MTUS2: variants seen among roughly 807,000 people sequenced by gnomAD.
MTUS2 encodes the protein microtubule associated scaffold protein 2, also known as microtubule-associated tumor suppressor candidate 2.
Under a neutral mutation model 114.1 loss-of-function variants are expected in MTUS2, and 40 were observed. The observed-to-expected ratio is 0.35, with a 90% CI of 0.27 to 0.46. The LOEUF (loss-of-function observed/expected upper bound fraction) is 0.46. Among genes scored for constraint, MTUS2 ranks in the 20% least tolerant of loss-of-function variants. The probability of loss-of-function intolerance (pLI) is 1.00; values close to 1 mark genes in which losing one functional copy is unlikely to be tolerated. For missense variants in MTUS2, 1,679 were observed against 1,705.4 expected (o/e 0.98, Z 0.27); for synonymous variants, 688 against 672.0 (o/e 1.02, Z -0.37).
intron 4 of MTUS2, among the ~76,000 whole-genome samples, chr13:29,095,879 CCTTTA>C (rs1004163876): frequency 1.3e-5 from 2 of 151,910 alleles, no homozygotes; most frequent in African/African-American, 4.8e-5. Context: ...CGTCATAGCT[CCTTTA>C]CTTCTTTAAG....
At position 28,921,530 on chromosome 13, in the gene MTUS2, G is replaced by A. The variant is rs543400684; in HGVS notation, c.-243+81680G>A. On this transcript the variant is annotated intron_variant, in intron 2 of 15. Transcript: ENST00000612955. ...GTGCAAGCACTTCCTTAGCCACTCT[G>A]TCTAGTGTCTCTTAGGTCATGTGCC... Among the ~76,000 whole-genome samples the A allele has an allele frequency of 3.3e-5, 5 of 152,278 alleles. No individual in the cohort carries two copies. The East Asian group carries it at 9.7e-4, about 29-fold the overall frequency.
chr13:29,324,988 C>T (rs1835829246), intron 7 of MTUS2, among the ~76,000 whole-genome samples: 1 of 152,122 alleles, frequency 6.6e-6, no homozygotes, highest in Admixed American at 6.6e-5. Flanking sequence ...AAATAATTTA[C>T]AATTGAAAAC....
chr13:29,198,309 CTATT>C (rs1032030343), intron 5 of MTUS2, among the ~76,000 whole-genome samples: 41 of 152,202 alleles, frequency 2.7e-4, no homozygotes, highest in African/African-American at 9.7e-4. Context: ...TTTCCCAACA[CTATT>C]TATTAAATAG....
chr13:29,025,759 C>G lies in MTUS2; in HGVS notation c.1061C>G (p.Pro354Arg). Reference sequence around the variant, plus strand: ...AGGGATCCATGTGGGGAAGCACACCCGGAAGCCACCGATGCACTTGGCCAT... The same window carrying G: ...AGGGATCCATGTGGGGAAGCACACCGGGAAGCCACCGATGCACTTGGCCAT... ...EGRDPCGEAH[P>R]EATDALGHLL... The change falls in exon 3 of 16, where the codon CCG (proline) becomes CGG (arginine). Residue 354 changes from proline to arginine, a missense_variant. Coordinates refer to ENST00000612955, the MANE Select transcript of MTUS2 (RefSeq NM_001033602.4). The G allele has an allele frequency of 6.2e-7, 1 of 1,613,928 alleles. No individual in the cohort carries two copies. The highest frequency in any genetic ancestry group is 8.5e-7 in the Non-Finnish European group (1 of 1,179,882).
intron 2 of MTUS2, among the ~76,000 whole-genome samples, chr13:28,871,933 T>C (rs1877643031): frequency 6.6e-6 from 1 of 152,118 alleles, no homozygotes; most frequent in African/African-American, 2.4e-5. Flanking sequence ...CTGGTGAGTT[T>C]GGCCAGACCA....
At chr13:29,095,336 G>A (rs1407719848) in intron 4 of MTUS2, among the ~76,000 whole-genome samples, 1 of 151,964 alleles carries the variant, frequency 6.6e-6, no homozygotes, top group Non-Finnish European at 1.5e-5. Flanking sequence ...TCTGTTGTTA[G>A]GTGTATATAC....
At chr13:28,851,404 A>G (rs1270593551) in intron 2 of MTUS2, among the ~76,000 whole-genome samples, 2 of 152,372 alleles carry the variant, frequency 1.3e-5, no homozygotes, top group Admixed American at 1.3e-4. Flanking sequence ...ATCTACAAAG[A>G]AAAGGAATCA....
chr13:29,037,468 T>C (rs1887135871), intron 4 of MTUS2, among the ~76,000 whole-genome samples: 1 of 152,170 alleles, frequency 6.6e-6, no homozygotes, highest in African/African-American at 2.4e-5. Flanking sequence ...TCAACCTTGG[T>C]GAATCATATA....
chr13:29,325,498 G>C (rs1245841738), intron 7 of MTUS2, among the ~76,000 whole-genome samples: 1 of 143,528 alleles, frequency 7.0e-6, no homozygotes, highest in South Asian at 2.2e-4. Context: ...GAGGGAGGAG[G>C]AGGAGGAGGA....
chr13:28,876,657 A>G (rs1443973159), intron 2 of MTUS2, among the ~76,000 whole-genome samples: 1 of 152,132 alleles, frequency 6.6e-6, no homozygotes, highest in Non-Finnish European at 1.5e-5. Context: ...ACATTCCTGA[A>G]CCCATCACTA....
chr13:29,121,470 AGAGT>A (rs888167485), intron 5 of MTUS2, among the ~76,000 whole-genome samples: 3 of 152,106 alleles, frequency 2.0e-5, no homozygotes, highest in Admixed American at 1.3e-4. Context: ...TGCAAGAGAT[AGAGT>A]GAGTGAGCAC....
chr13:28,867,239 A>G (rs1877352833), intron 2 of MTUS2, among the ~76,000 whole-genome samples: 1 of 152,208 alleles, frequency 6.6e-6, no homozygotes, highest in Admixed American at 6.5e-5. Flanking sequence ...CATTCTTACT[A>G]CTAAGCAAAA....
intron 5 of MTUS2, among the ~76,000 whole-genome samples, chr13:29,158,841 G>T (rs983373090): frequency 2.6e-5 from 4 of 152,156 alleles, no homozygotes; most frequent in African/African-American, 9.7e-5. Context: ...CAATGAGAAG[G>T]AGCGGGGATG....
chr13:29,073,926 C>T (rs1265396906), intron 4 of MTUS2, among the ~76,000 whole-genome samples: 1 of 152,150 alleles, frequency 6.6e-6, no homozygotes, highest in East Asian at 1.9e-4. Flanking sequence ...TCTTTGCTCA[C>T]CCCCAAGCCT....
At chr13:29,234,209 A>G (rs995770666) in intron 5 of MTUS2, among the ~76,000 whole-genome samples, 35 of 152,304 alleles carry the variant, frequency 2.3e-4, no homozygotes, top group Admixed American at 2.0e-3. Flanking sequence ...AAAGATATCT[A>G]TTGAGCACCT....
intron 4 of MTUS2, among the ~76,000 whole-genome samples, chr13:29,079,943 A>G (rs1279254365): frequency 6.6e-6 from 1 of 152,164 alleles, no homozygotes; most frequent in East Asian, 1.9e-4. Context: ...GCCATGTGGC[A>G]TTTTACATAG....
chr13:29,289,756 C>T (rs531138278), intron 6 of MTUS2, among the ~76,000 whole-genome samples: 5 of 152,122 alleles, frequency 3.3e-5, no homozygotes, highest in African/African-American at 7.2e-5. Context: ...TGAGCCACTG[C>T]GCCTGGCCCA....
intron 5 of MTUS2, among the ~76,000 whole-genome samples, chr13:29,202,051 G>A (rs1894981062): frequency 6.6e-6 from 1 of 152,160 alleles, no homozygotes; most frequent in Admixed American, 6.5e-5. Flanking sequence ...ATGTTGGCCT[G>A]TCTTGCTAGA....
At chr13:29,293,853 GAAATA>G (rs1032868953) in intron 6 of MTUS2, among the ~76,000 whole-genome samples, 4 of 152,070 alleles carry the variant, frequency 2.6e-5, no homozygotes, top group South Asian at 2.1e-4. Context: ...TTATAAAACT[GAAATA>G]AAATAAATCA....
Sources: allele counts gnomAD v4.1 joint callset (sites outside exome capture counted in the v4.1 genomes callset), GRCh38; gene constraint gnomAD v4.1.1; transcripts MANE v1.5; gene names NCBI Gene and HGNC (gene_info 2026-07-23, HGNC 2026-07-21).